Variants in SPACA6 observed in about 807,000 individuals in gnomAD.
SPACA6 encodes the protein sperm acrosome membrane-associated protein 6.
For missense variants in SPACA6, 8 were observed against 2.8 expected (o/e 2.88, Z -1.34); for synonymous variants, 6 against 1.5 (o/e 4.05, Z -2.21).
intron 2 of SPACA6, among the ~76,000 whole-genome samples, chr19:51,695,985 G>A (rs2083428341): frequency 6.6e-6 from 1 of 152,224 alleles, no homozygotes; most frequent in Non-Finnish European, 1.5e-5. Flanking sequence ...AGAGCCGGGG[G>A]CAGATGATAA....
At chr19:51,691,410 G>C (rs960592038), upstream of SPACA6, among the ~76,000 whole-genome samples, 1 of 150,546 alleles carries the variant, frequency 6.6e-6, no homozygotes, top group African/African-American at 2.5e-5. Context: ...AGAAGGGTGA[G>C]AAAGAGGAGA....
chr19:51,701,725 A>G lies in SPACA6; in HGVS notation c.360A>G (p.Glu120=). ...KMKKVITQLK[E]AQACIPPCGL... ...AGAAGGTCATTACACAGCTTAAAGAAGGTAAAATACACTCCATCTCTCCTT... is the reference window on the plus strand; with the variant it reads ...AGAAGGTCATTACACAGCTTAAAGAGGGTAAAATACACTCCATCTCTCCTT... Residue 120 remains glutamate, a splice_region_variant and synonymous_variant, in exon 3 of 9, where the codon GAA becomes GAG. Coordinates refer to ENST00000637797, the MANE Select transcript of SPACA6 (RefSeq NM_001316972.2). The G allele has an allele frequency of 2.5e-6, 1 of 398,816 alleles. No homozygotes were observed. The highest frequency in any genetic ancestry group is 4.4e-6 in the Non-Finnish European group (1 of 225,906). The allele number at this position is 398,816 out of a possible 1,614,324, so 24.7% of individuals were successfully genotyped here.
At chr19:51,695,634 G>T (rs2083424359) in intron 2 of SPACA6, among the ~76,000 whole-genome samples, 1 of 152,184 alleles carries the variant, frequency 6.6e-6, no homozygotes, top group African/African-American at 2.4e-5. Context: ...TCTCCATGTG[G>T]GGGTGTGCAG....
downstream of SPACA6, among the ~76,000 whole-genome samples, chr19:51,709,129 C>T (rs1377821486): frequency 1.3e-5 from 2 of 150,914 alleles, no homozygotes; most frequent in East Asian, 2.0e-4. Context: ...TTTGGGGGAC[C>T]GAGGCTTGAG....
At chr19:51,685,752 A>C (rs2083325445), upstream of SPACA6, 1 of 152,204 alleles carries the variant, frequency 6.6e-6, no homozygotes, top group Admixed American at 6.5e-5. Flanking sequence ...CCTGGGCTCA[A>C]GTGATCCTCC....
chr19:51,693,217 C>A, upstream of SPACA6: 2 of 607,334 alleles, frequency 3.3e-6, no homozygotes, highest in East Asian at 3.2e-5. Flanking sequence ...ATCTCTGACC[C>A]CCACCCCAGG....
At chr19:51,701,550 G>A in intron 2 of SPACA6, 108 bp from the exon 3 acceptor site, 2 of 392,870 alleles carry the variant, frequency 5.1e-6, no homozygotes, top group Non-Finnish European at 9.0e-6. Context: ...CGTCCTGTGA[G>A]CTAGGGCCAG....
At chr19:51,692,933 G>A (rs954228851), upstream of SPACA6, 20 of 510,182 alleles carry the variant, frequency 3.9e-5, no homozygotes, top group South Asian at 2.7e-4. The surrounding 1 kb of genome is among the most constrained non-coding windows in gnomAD (Gnocchi z 5.6). Flanking sequence ...AGCCCCACTG[G>A]GCTGCCCCAG....
intron 2 of SPACA6, among the ~76,000 whole-genome samples, chr19:51,700,450 T>TA (rs1319613934): frequency 6.6e-6 from 1 of 152,234 alleles, no homozygotes; most frequent in East Asian, 1.9e-4. Flanking sequence ...TCCAACTTTG[T>TA]AAAAAAGAGA....
chr19:51,704,010 T>C lies in SPACA6; in HGVS notation c.574-20T>C, dbSNP rs76526663. The C allele has an allele frequency of 5.7e-3, 2,270 of 400,788 alleles. 39 individuals are homozygous for C. Among genetic ancestry groups the C allele is most frequent in the African/African-American group, 0.038 (1,854 of 48,708 alleles). The allele number at this position is 400,788 out of a possible 1,614,324, so 24.8% of individuals were successfully genotyped here. A position where few individuals can be genotyped will look rare whatever the true frequency, so the allele number is the denominator to read the frequency against. The stretch of plus-strand genomic sequence containing the variant: ...AGTGGCAAGCCGGAGTTGAGGCGTT[T>C]AAACCCGCGTGTCCCGCAGCTCCGG... On this transcript the variant is annotated intron_variant, in intron 6 of 8. Coordinates refer to ENST00000637797, the MANE Select transcript of SPACA6 (RefSeq NM_001316972.2).
chr19:51,702,472 G>A (rs2083476452), intron 3 of SPACA6, 157 bp from the exon 4 acceptor site: 1 of 395,010 alleles, frequency 2.5e-6, no homozygotes, highest in Non-Finnish European at 4.5e-6. Flanking sequence ...GCCCCAGGTG[G>A]AACCCAGCCG....
chr19:51,707,330 C>T (rs140923781), downstream of SPACA6, among the ~76,000 whole-genome samples: 450 of 151,154 alleles, frequency 3.0e-3, 1 homozygote, highest in Non-Finnish European at 5.4e-3. Context: ...AAGCAATTCT[C>T]GTGCCTCAGT....
In SPACA6 at chr19:51,703,955, G is replaced by A; in HGVS notation, c.574-75G>A. The A allele has an allele frequency of 2.5e-6, 1 of 398,892 alleles. No homozygotes were observed. Among genetic ancestry groups the A allele is most frequent in the Non-Finnish European group, 4.4e-6 (1 of 226,248 alleles). 24.7% of individuals were successfully genotyped at this position (398,892 alleles called of 1,614,324 possible). ...GCCAGGACTCCAGGGGGCGTGGTCTGGCTCGGGGGGCGGGGCTTGTAGGTT... is the reference window on the plus strand; with the variant it reads ...GCCAGGACTCCAGGGGGCGTGGTCTAGCTCGGGGGGCGGGGCTTGTAGGTT... On this transcript the variant is annotated intron_variant, in intron 6 of 8. Coordinates refer to ENST00000637797, the MANE Select transcript of SPACA6 (RefSeq NM_001316972.2). The surrounding 1 kb of genome is among the most constrained non-coding windows in gnomAD (Gnocchi z 4.2).
chr19:51,695,616 C>A (rs2083424127), intron 2 of SPACA6, among the ~76,000 whole-genome samples: 1 of 152,184 alleles, frequency 6.6e-6, no homozygotes, highest in African/African-American at 2.4e-5. Context: ...GACCTGAGGC[C>A]CTAAACCTCT....
intron 8 of SPACA6, 197 bp downstream of exon 8, chr19:51,704,677 A>G: frequency 2.5e-6 from 1 of 397,388 alleles, no homozygotes; most frequent in Non-Finnish European, 4.4e-6. Flanking sequence ...CCTCCCTTAG[A>G]TCTAAGAGTC....
upstream of SPACA6, chr19:51,685,257 G>C (rs1432758745): frequency 2.0e-5 from 3 of 152,114 alleles, no homozygotes; most frequent in Non-Finnish European, 2.9e-5. Context: ...GGTGGCCCCT[G>C]TGTCTAAGAA....
chr19:51,704,967 T>G, intron 8 of SPACA6, 123 bp from the exon 9 acceptor site: 1 of 295,868 alleles, frequency 3.4e-6, no homozygotes, highest in Non-Finnish European at 6.2e-6. Flanking sequence ...CCCTGCCCCC[T>G]CCTCCCTCAG....
rs1020678381 is a variant in SPACA6, at chr19:51,693,553, C to T, written c.27C>T (p.Ala9=). The change falls in exon 1 of 9, where the codon GCC becomes GCT. Residue 9 remains alanine, a synonymous_variant. Transcript: ENST00000637797. The part of the protein sequence containing the change: MALLALAS[A]VPSALLALAV... ...TGGCCCTGCTGGCTCTGGCCAGTGC[C>T]GTCCCGTCTGCCCTGCTGGCCCTGG... 7 of 470,824 alleles carry T rather than the reference C, an allele frequency of 1.5e-5. No homozygotes were observed. Among genetic ancestry groups the T allele is most frequent in the African/African-American group, 3.9e-5 (2 of 51,854 alleles). 29.2% of individuals were successfully genotyped at this position (470,824 alleles called of 1,614,324 possible).
At chr19:51,693,983 G>A (rs1374909868) in intron 1 of SPACA6, 2 of 345,552 alleles carry the variant, frequency 5.8e-6, no homozygotes, top group Non-Finnish European at 5.2e-6. Flanking sequence ...CTCAGAGAGG[G>A]GGAGGATGGA....
Sources: allele counts gnomAD v4.1 joint callset (sites outside exome capture counted in the v4.1 genomes callset), GRCh38; gene constraint gnomAD v4.1.1; non-coding constraint Gnocchi (gnomAD v3.1); transcripts MANE v1.5; gene names NCBI Gene and HGNC (gene_info 2026-07-23, HGNC 2026-07-21).